ADGRV1: variants seen among roughly 807,000 people sequenced by gnomAD.
The protein encoded by ADGRV1 is adhesion G protein-coupled receptor V1, also known as G-protein coupled receptor 98.
Under a neutral mutation model 596.2 loss-of-function variants are expected in ADGRV1, and 359 were observed. That is an observed-to-expected ratio of 0.60 (90% CI 0.55 to 0.66). ADGRV1 has a LOEUF of 0.66. Ranked by LOEUF, ADGRV1 falls within the 30% of genes least tolerant of loss-of-function variation. The probability of loss-of-function intolerance (pLI) is 0.00; values close to 1 mark genes in which losing one functional copy is unlikely to be tolerated. For synonymous variants in ADGRV1, 2,681 were observed against 2,679.2 expected (o/e 1.00, Z -0.02); for missense variants, 7,274 against 7,575.6 (o/e 0.96, Z 1.48).
intron 70 of ADGRV1, chr5:90,792,908 G>C (rs1344633198): frequency 6.6e-6 from 1 of 152,210 alleles, no homozygotes; most frequent in Non-Finnish European, 1.5e-5. Context: ...TGGAATCATT[G>C]ACACATGCTG....
Position 91,140,871 on chromosome 5 carries a change from C to CT in ADGRV1, c.18433-9158dup, listed in dbSNP as rs1220976288. Among the ~76,000 whole-genome samples the CT allele has an allele frequency of 2.0e-5, 3 of 152,160 alleles. No homozygotes were observed. The East Asian group carries it at 5.8e-4, about 29-fold the overall frequency. On this transcript the variant is annotated intron_variant, in intron 87 of 89. Transcript: ENST00000405460. ...AAACTTAACAGAATCATGAAGAACA[C>CT]TGAGAGTCTCAGAGACAAAGCACTG...
intron 59 of ADGRV1, among the ~76,000 whole-genome samples, chr5:90,773,463 C>T (rs1246392578): frequency 6.6e-6 from 1 of 151,978 alleles, no homozygotes; most frequent in African/African-American, 2.4e-5. Flanking sequence ...CATTAACATT[C>T]TTATGAGTTA....
At chr5:90,979,228 G>A (rs1779886065) in intron 84 of ADGRV1, among the ~76,000 whole-genome samples, 1 of 151,670 alleles carries the variant, frequency 6.6e-6, no homozygotes, top group Non-Finnish European at 1.5e-5. Flanking sequence ...GAGTGCAGTG[G>A]CGCAGTCTCG....
chr5:90,773,612 G>A (rs1757921651), intron 59 of ADGRV1, among the ~76,000 whole-genome samples: 1 of 152,172 alleles, frequency 6.6e-6, no homozygotes, highest in Non-Finnish European at 1.5e-5. Flanking sequence ...ACTGAAACAT[G>A]CATATAAAAG....
intron 8 of ADGRV1, 94 bp from the exon 9 acceptor site, chr5:90,629,116 T>G (rs1196212344): frequency 5.9e-6 from 4 of 683,364 alleles, no homozygotes; most frequent in Non-Finnish European, 8.7e-6. Context: ...AAAATATTAA[T>G]AAATATTAAA....
intron 1 of ADGRV1, among the ~76,000 whole-genome samples, chr5:90,590,141 T>A (rs969688355): frequency 3.3e-5 from 5 of 152,196 alleles, no homozygotes; most frequent in African/African-American, 1.2e-4. Flanking sequence ...GAGGAATTCA[T>A]GTGTATTCAA....
At chr5:91,017,613 C>T (rs544938015) in intron 85 of ADGRV1, among the ~76,000 whole-genome samples, 2 of 152,008 alleles carry the variant, frequency 1.3e-5, no homozygotes, top group East Asian at 3.9e-4. Context: ...ATGATAAAAG[C>T]ATCAAGATGT....
chr5:90,891,909 A>G (rs1770863171), intron 83 of ADGRV1, among the ~76,000 whole-genome samples: 1 of 152,018 alleles, frequency 6.6e-6, no homozygotes, highest in African/African-American at 2.4e-5. Context: ...TAACATGGAC[A>G]AATTATATAT....
intron 83 of ADGRV1, among the ~76,000 whole-genome samples, chr5:90,881,404 G>A (rs1769757713): frequency 6.6e-6 from 1 of 152,046 alleles, no homozygotes; most frequent in African/African-American, 2.4e-5. Flanking sequence ...TCTAATTATT[G>A]GACTGTTAAT....
intron 84 of ADGRV1, among the ~76,000 whole-genome samples, chr5:90,973,051 C>T (rs1779205555): frequency 6.6e-6 from 1 of 152,108 alleles, no homozygotes; most frequent in African/African-American, 2.4e-5. Context: ...ATACAGACTA[C>T]CATCAGAGAA....
chr5:90,927,182 GT>G (rs1339375702), intron 83 of ADGRV1, among the ~76,000 whole-genome samples: 1 of 150,482 alleles, frequency 6.6e-6, no homozygotes, highest in Non-Finnish European at 1.5e-5. Flanking sequence ...CAATTCCTGG[GT>G]ATCCTTGTTG....
At chr5:90,958,621 C>T (rs914408878) in intron 83 of ADGRV1, among the ~76,000 whole-genome samples, 7 of 152,110 alleles carry the variant, frequency 4.6e-5, no homozygotes, top group Non-Finnish European at 5.9e-5. Flanking sequence ...TGAGGCCTCT[C>T]TCCTTGGCTT....
chr5:90,700,779 A>G (rs1233041456), intron 34 of ADGRV1, among the ~76,000 whole-genome samples: 1 of 152,142 alleles, frequency 6.6e-6, no homozygotes, highest in Non-Finnish European at 1.5e-5. Context: ...TCTGCTTCAC[A>G]TTATTCATAT....
In ADGRV1 at chr5:90,684,207, T is replaced by G. The variant is rs374458880; in HGVS notation, c.6274+12T>G. On this transcript the variant is annotated intron_variant, in intron 28 of 89. Transcript: ENST00000405460. Reference sequence around the variant, plus strand: ...ACAGAGTCGTTCAAGTAAGTATCCCTTAGTGTGTTATTATTATTATTAGCT... The same window carrying G: ...ACAGAGTCGTTCAAGTAAGTATCCCGTAGTGTGTTATTATTATTATTAGCT... 5.1e-6 allele frequency: 8 copies of G among 1,574,694 alleles called. No homozygotes were observed. In the African/African-American group the frequency reaches 8.2e-5, roughly 16 times the overall value.
chr5:91,032,358 A>T (rs1382557399), intron 85 of ADGRV1, among the ~76,000 whole-genome samples: 3 of 152,230 alleles, frequency 2.0e-5, no homozygotes, highest in Non-Finnish European at 2.9e-5. Context: ...GAAGCAGAGT[A>T]GAAAAGTTAT....
At chr5:91,100,087 C>T (rs572784910) in intron 86 of ADGRV1, among the ~76,000 whole-genome samples, 12 of 152,242 alleles carry the variant, frequency 7.9e-5, no homozygotes, top group Admixed American at 1.3e-4. Flanking sequence ...CAGAAACCAT[C>T]TTGAAAGGGC....
chr5:90,962,173 C>G (rs1412095661), intron 83 of ADGRV1, among the ~76,000 whole-genome samples: 1 of 152,146 alleles, frequency 6.6e-6, no homozygotes, highest in Non-Finnish European at 1.5e-5. Context: ...GGGATACAAA[C>G]AATAATAGTT....
At chr5:90,765,470 C>CACACAG (rs546930616) in intron 59 of ADGRV1, among the ~76,000 whole-genome samples, 2,097 of 149,440 alleles carry the variant, frequency 0.014, 32 homozygotes, top group East Asian at 0.032. Flanking sequence ...CACACACACA[C>CACACAG]AAACTCTAGA....
intron 15 of ADGRV1, among the ~76,000 whole-genome samples, chr5:90,645,474 A>G (rs549758320): frequency 1.3e-5 from 2 of 152,260 alleles, no homozygotes; most frequent in African/African-American, 2.4e-5. Context: ...AGGCTCAGAA[A>G]TGTGGGGAAT....
Sources: allele counts gnomAD v4.1 joint callset (sites outside exome capture counted in the v4.1 genomes callset), GRCh38; gene constraint gnomAD v4.1.1; transcripts MANE v1.5; gene names NCBI Gene and HGNC (gene_info 2026-07-23, HGNC 2026-07-21).